SLC14A1: variants seen among roughly 807,000 people sequenced by gnomAD.
The protein encoded by SLC14A1 is solute carrier family 14 member 1 (Kidd blood group).
Under a neutral mutation model 39.6 loss-of-function variants are expected in SLC14A1, and 36 were observed. The observed-to-expected ratio is 0.91, with a 90% CI of 0.70 to 1.20. The LOEUF (loss-of-function observed/expected upper bound fraction) is 1.20, where lower values mean the gene tolerates loss of function less well. Ranked by LOEUF, SLC14A1 falls within the 50% of genes most tolerant of loss-of-function variation. SLC14A1 has a pLI of 0.00. For missense variants in SLC14A1, 469 were observed against 478.7 expected (o/e 0.98, Z 0.19); for synonymous variants, 164 against 173.6 (o/e 0.94, Z 0.43).
At chr18:45,736,680 G>A (rs1193943975) in intron 6 of SLC14A1, 32 bp downstream of exon 6, 1 of 1,597,334 alleles carries the variant, frequency 6.3e-7, no homozygotes, top group Non-Finnish European at 8.6e-7. Context: ...CATTCGCCCT[G>A]GCTCTGCAAG....
In SLC14A1 at chr18:45,736,629, C is replaced by A; in HGVS notation, c.644C>A (p.Ser215Tyr). The A allele has an allele frequency of 6.2e-7, 1 of 1,614,168 alleles. No homozygotes were observed. Among genetic ancestry groups the A allele is most frequent in the Non-Finnish European group, 8.5e-7 (1 of 1,180,006 alleles). The change falls in exon 6 of 10, where the codon TCT (serine) becomes TAT (tyrosine). Residue 215 changes from serine (S) to tyrosine (Y), a missense_variant. By Grantham distance (144) the Ser-to-Tyr change is moderately radical. Coordinates refer to ENST00000321925, the MANE Select transcript of SLC14A1 (RefSeq NM_015865.7). Reference sequence around the variant, plus strand: ...ACTACAGCTCCAAATATCTCCTGGTCTGACCTCAGTGCCCTGGAGGTAAGA... The same window carrying A: ...ACTACAGCTCCAAATATCTCCTGGTATGACCTCAGTGCCCTGGAGGTAAGA... ...PITTAPNISW[S>Y]DLSALELLKS... is the part of the protein sequence containing the mutation.
intron 3 of SLC14A1, 124 bp from the exon 4 acceptor site, chr18:45,730,891 A>G (rs1466115871): frequency 1.2e-6 from 1 of 863,624 alleles, no homozygotes; most frequent in Non-Finnish European, 1.9e-6. Flanking sequence ...AGAGAGAAAT[A>G]TTAAAGAAAT....
At chr18:45,730,523 A>G in intron 3 of SLC14A1, 52 bp downstream of exon 3, 2 of 1,591,386 alleles carry the variant, frequency 1.3e-6, no homozygotes, top group Non-Finnish European at 1.7e-6. Context: ...TTTGGGGGAA[A>G]TGGTTTCCTG....
chr18:45,739,436 G>C lies in SLC14A1; in HGVS notation c.812-92G>C. 2.5e-6 allele frequency: 4 copies of C among 1,606,562 alleles called. No individual in the cohort carries two copies. In the East Asian group the frequency reaches 6.7e-5, roughly 27 times the overall value. ...CCTAGGGACCAATGGGAGTTCCCGG[G>C]ATGCTTCCTGCTAACTTTCAATCCC... On this transcript the variant is annotated intron_variant, in intron 7 of 9. Coordinates refer to ENST00000321925, the MANE Select transcript of SLC14A1 (RefSeq NM_015865.7).
intron 5 of SLC14A1, among the ~76,000 whole-genome samples, chr18:45,735,403 C>A (rs1245787829): frequency 1.3e-5 from 2 of 152,084 alleles, no homozygotes; most frequent in Non-Finnish European, 1.5e-5. Flanking sequence ...TACGTGAATT[C>A]CCCCTTACCC....
intron 2 of SLC14A1, among the ~76,000 whole-genome samples, chr18:45,727,851 A>C (rs1160415014): frequency 6.6e-6 from 1 of 152,220 alleles, no homozygotes; most frequent in Non-Finnish European, 1.5e-5. Context: ...ATATTTTAGC[A>C]TGGCAAAATT....
In SLC14A1 at chr18:45,736,564, T is replaced by C. The variant is rs2047201052; in HGVS notation, c.579T>C (p.His193=). ...CAATGTACCTTTCAGCCACAGGACA[T>C]TACAATCCATTCTTTCCAGCCAAAC... ...ALSMYLSATG[H]YNPFFPAKLV... Residue 193 remains histidine (H), a synonymous_variant, in exon 6 of 10, where the codon CAT becomes CAC. Coordinates refer to ENST00000321925, the MANE Select transcript of SLC14A1 (RefSeq NM_015865.7). 6.2e-7 allele frequency: 1 copy of C among 1,614,154 alleles called. No homozygotes were observed. Among genetic ancestry groups the C allele is most frequent in the Non-Finnish European group, 8.5e-7 (1 of 1,179,996 alleles).
chr18:45,740,520 CAA>C (rs10714760), intron 8 of SLC14A1, among the ~76,000 whole-genome samples: 2,296 of 132,408 alleles, frequency 0.017, 52 homozygotes, highest in African/African-American at 0.058. Flanking sequence ...GACTTCATCT[CAA>C]AAAAAAAAAA....
chr18:45,748,497 A>G, intron 9 of SLC14A1, 72 bp downstream of exon 9: 1 of 1,486,676 alleles, frequency 6.7e-7, no homozygotes, highest in Non-Finnish European at 9.4e-7. Flanking sequence ...AATGCTCCTG[A>G]AGTCCACTGG....
At position 45,731,176 on chromosome 18, in the gene SLC14A1, C is replaced by G. The variant is rs959314162; in HGVS notation, c.313C>G (p.Leu105Val). 2 of 1,613,944 alleles carry G rather than the reference C, an allele frequency of 1.2e-6. No homozygotes were observed. Among genetic ancestry groups the G allele is most frequent in the Admixed American group, 3.3e-5 (2 of 60,024 alleles). ...TGWLGTVVST[L>V]MALLLSQDRS... is the part of the protein sequence containing the mutation. The stretch of plus-strand genomic sequence containing the variant: ...CTGGCTGGGAACAGTGGTCTCCACT[C>G]TGATGGCCCTCTTGCTCAGCCAGGA... Residue 105 changes from leucine (L) to valine (V), a missense_variant, in exon 4 of 10, where the codon CTG (leucine) becomes GTG (valine). Coordinates refer to ENST00000321925, the MANE Select transcript of SLC14A1 (RefSeq NM_015865.7).
chr18:45,737,637 C>A (rs2144793365), intron 6 of SLC14A1: 2 of 152,304 alleles, frequency 1.3e-5, no homozygotes, highest in South Asian at 4.1e-4. Context: ...TTCATTAGAA[C>A]TACCCATGAA....
Position 45,730,299 on chromosome 18 carries a change from G to A in SLC14A1, c.-21-1G>A. Reference sequence around the variant, plus strand: ...CTTATAAGCTCTGTCCTTCCCTCAAGGAGCCAGAGGAAGAGATAGCCATGG... The same window carrying A: ...CTTATAAGCTCTGTCCTTCCCTCAAAGAGCCAGAGGAAGAGATAGCCATGG... On this transcript the variant is annotated splice_acceptor_variant, in intron 2 of 9. Coordinates refer to ENST00000321925, the MANE Select transcript of SLC14A1 (RefSeq NM_015865.7). LOFTEE classifies it low-confidence loss of function (5UTR_SPLICE). 1.2e-6 allele frequency: 2 copies of A among 1,611,462 alleles called. No individual in the cohort carries two copies. Among genetic ancestry groups the A allele is most frequent in the Non-Finnish European group, 1.7e-6 (2 of 1,178,206 alleles).
Position 45,736,446 on chromosome 18 carries a change from CT to C in SLC14A1, c.471-3del, listed in dbSNP as rs2047196732. 1.9e-6 allele frequency: 3 copies of C among 1,611,986 alleles called. No homozygotes were observed. The East Asian group carries it at 6.7e-5, about 36-fold the overall frequency. On this transcript the variant is annotated splice_polypyrimidine_tract_variant and intron_variant, in intron 5 of 9. Transcript: ENST00000321925. ...CACATGCACATTCTTTTGCTCTGTT[CT>C]TTTTTTAGCCCAATTTTCTCAAGTG...
Position 45,748,369 on chromosome 18 carries a change from T to TC in SLC14A1, c.947-6dup. On this transcript the variant is annotated splice_polypyrimidine_tract_variant and splice_region_variant and intron_variant, in intron 8 of 9. Transcript: ENST00000321925. Reference sequence around the variant, plus strand: ...CATTGTTCTTTCCCTCCTTTTTTTTTCTGTAGCCCTGTTCACGGCCTATCT... The same window carrying TC: ...CATTGTTCTTTCCCTCCTTTTTTTTTCCTGTAGCCCTGTTCACGGCCTATCT... 2 of 1,614,162 alleles carry TC rather than the reference T, an allele frequency of 1.2e-6. No homozygotes were observed. The highest frequency in any genetic ancestry group is 4.5e-5 in the East Asian group (2 of 44,888).
Position 45,749,795 on chromosome 18 carries a change from T to C in SLC14A1, c.1014T>C (p.Cys338=), listed in dbSNP as rs760253588. 12 of 1,614,196 alleles carry C rather than the reference T, an allele frequency of 7.4e-6. No individual in the cohort carries two copies. The East Asian group carries it at 2.0e-4, about 27-fold the overall frequency. Residue 338 remains cysteine, a synonymous_variant, in exon 10 of 10, where the codon TGT becomes TGC. Transcript: ENST00000321925. ...NFMAEVGLPA[C]TWPFCLATLL... is the part of the protein sequence containing the mutation. ...TTCCCCAGGTTGGATTGCCAGCTTGTACCTGGCCCTTCTGTTTGGCCACGC... is the reference window on the plus strand; with the variant it reads ...TTCCCCAGGTTGGATTGCCAGCTTGCACCTGGCCCTTCTGTTTGGCCACGC...
Position 45,752,351 on chromosome 18 carries a change from T to A in SLC14A1, c.*2400T>A. 2 of 408,610 alleles carry A rather than the reference T, an allele frequency of 4.9e-6. No homozygotes were observed. The highest frequency in any genetic ancestry group is 6.6e-6 in the Non-Finnish European group (2 of 302,762). 25.3% of individuals were successfully genotyped at this position (408,610 alleles called of 1,614,324 possible). A position where few individuals can be genotyped will look rare whatever the true frequency, so the allele number is the denominator to read the frequency against. On this transcript the variant is annotated 3_prime_UTR_variant, in exon 10 of 10. Transcript: ENST00000321925. ...AGCTTCTTGTGCTCACACAAATCTG[T>A]AAATGGGAACATTGTACATTGTCGA...
chr18:45,752,329 T>G lies in SLC14A1; in HGVS notation c.*2378T>G. On this transcript the variant is annotated 3_prime_UTR_variant, in exon 10 of 10. Transcript: ENST00000321925. ...GAACAGGGATCTACCATGCAGGAGC[T>G]TCTTGTGCTCACACAAATCTGTAAA... The G allele has an allele frequency of 1.5e-6, 1 of 661,656 alleles. No individual in the cohort carries two copies. Among genetic ancestry groups the G allele is most frequent in the Non-Finnish European group, 1.9e-6 (1 of 534,554 alleles). 41.0% of individuals were successfully genotyped at this position (661,656 alleles called of 1,614,324 possible). A position where few individuals can be genotyped will look rare whatever the true frequency, so the allele number is the denominator to read the frequency against.
intron 8 of SLC14A1, among the ~76,000 whole-genome samples, chr18:45,745,029 G>T (rs1463294284): frequency 6.6e-6 from 1 of 152,192 alleles, no homozygotes; most frequent in African/African-American, 2.4e-5. Context: ...TGGATCACAA[G>T]GTCAAGAGAT....
intron 8 of SLC14A1, among the ~76,000 whole-genome samples, chr18:45,744,219 G>A (rs1240736505): frequency 6.6e-6 from 1 of 152,102 alleles, no homozygotes; most frequent in Non-Finnish European, 1.5e-5. Flanking sequence ...TTGCCATGTT[G>A]GCCAGGCTGG....
Sources: gnomAD v4.1 joint callset for allele counts (sites outside exome capture counted in the v4.1 genomes callset) on GRCh38, gnomAD v4.1.1 for gene constraint, MANE v1.5 for transcripts, NCBI Gene and HGNC (gene_info 2026-07-23, HGNC 2026-07-21) for gene names.